The following RABGAP1L variants were observed in gnomAD, a reference collection of about 807,000 sequenced individuals.
The protein encoded by RABGAP1L is rab GTPase-activating protein 1-like.
A neutral mutation model predicts 137.7 loss-of-function variants in RABGAP1L; 63 were observed. That is an observed-to-expected ratio of 0.46 (90% CI 0.37 to 0.56). RABGAP1L has a LOEUF of 0.56. RABGAP1L is among the 20% of genes least tolerant of loss of function. The pLI is 0.00. For missense variants in RABGAP1L, 1,095 were observed against 1,244.0 expected (o/e 0.88, Z 1.80); for synonymous variants, 431 against 433.7 (o/e 0.99, Z 0.08).
At chr1:174,636,023 T>A (rs377466999) in intron 13 of RABGAP1L, among the ~76,000 whole-genome samples, 1 of 152,230 alleles carries the variant, frequency 6.6e-6, no homozygotes, top group East Asian at 1.9e-4. Flanking sequence ...AATTTGCAAT[T>A]AGTAGTCTGA....
At chr1:174,384,567 A>G (rs1292827060) in intron 12 of RABGAP1L, among the ~76,000 whole-genome samples, 1 of 152,080 alleles carries the variant, frequency 6.6e-6, no homozygotes, top group African/African-American at 2.4e-5. Context: ...ATAGATGGCT[A>G]TTTGAAGTGT....
chr1:174,672,114 A>G (rs944348194), intron 14 of RABGAP1L, among the ~76,000 whole-genome samples: 30 of 152,102 alleles, frequency 2.0e-4, no homozygotes, highest in South Asian at 4.1e-4. Flanking sequence ...TCGTTGGCAT[A>G]TAATTGTTCA....
At chr1:174,491,467 C>A (rs1216076225) in intron 13 of RABGAP1L, among the ~76,000 whole-genome samples, 1 of 151,926 alleles carries the variant, frequency 6.6e-6, no homozygotes, top group African/African-American at 2.4e-5. Flanking sequence ...ATCCTCTTTA[C>A]TCTTCCCTTT....
chr1:174,728,223 T>A (rs1377409843), intron 17 of RABGAP1L, among the ~76,000 whole-genome samples: 1 of 152,224 alleles, frequency 6.6e-6, no homozygotes, highest in African/African-American at 2.4e-5. Flanking sequence ...TTGCTTTAAA[T>A]TTTTACAGCA....
At chr1:174,655,079 A>C (rs1226729450) in intron 14 of RABGAP1L, among the ~76,000 whole-genome samples, 2 of 151,698 alleles carry the variant, frequency 1.3e-5, no homozygotes, top group African/African-American at 2.4e-5. Context: ...TTGTTTTCCT[A>C]AACTGTTTGA....
intron 18 of RABGAP1L, among the ~76,000 whole-genome samples, chr1:174,763,837 C>CA (rs570110788): frequency 0.011 from 901 of 81,056 alleles, 27 homozygotes; most frequent in African/African-American, 0.039. Flanking sequence ...GACTCCGTCT[C>CA]AAAAAAAAAA....
intron 18 of RABGAP1L, among the ~76,000 whole-genome samples, chr1:174,753,110 C>G (rs1398328008): frequency 6.6e-6 from 1 of 152,082 alleles, no homozygotes. Context: ...TGACCTTAGG[C>G]AAATTTTTCT....
At chr1:174,566,617 T>C (rs1310934711) in intron 13 of RABGAP1L, among the ~76,000 whole-genome samples, 1 of 152,192 alleles carries the variant, frequency 6.6e-6, no homozygotes, top group African/African-American at 2.4e-5. Context: ...ATTATAGACT[T>C]GTCCTTGAAT....
At chr1:174,411,957 G>C (rs1649985513) in intron 13 of RABGAP1L, among the ~76,000 whole-genome samples, 1 of 152,082 alleles carries the variant, frequency 6.6e-6, no homozygotes, top group Non-Finnish European at 1.5e-5. Context: ...ATATTCTGTG[G>C]TTGATGGGTA....
At chr1:174,672,687 A>G (rs1351948670) in intron 14 of RABGAP1L, among the ~76,000 whole-genome samples, 2 of 152,018 alleles carry the variant, frequency 1.3e-5, no homozygotes, top group East Asian at 1.9e-4. Context: ...AAAATTTTAA[A>G]TTTTATTTAT....
intron 14 of RABGAP1L, among the ~76,000 whole-genome samples, chr1:174,639,690 C>T (rs912651278): frequency 6.6e-6 from 1 of 151,890 alleles, no homozygotes; most frequent in Non-Finnish European, 1.5e-5. Context: ...ACATTTTGCT[C>T]CATTGTAGTA....
At chr1:174,232,776 T>A (rs72711500) in intron 4 of RABGAP1L, among the ~76,000 whole-genome samples, 45,435 of 146,380 alleles carry the variant, frequency 0.31, 7,686 homozygotes, top group Middle Eastern at 0.44. Flanking sequence ...AAAAAAAAAA[T>A]AAGTCAGATA....
chr1:174,759,785 C>A (rs974269908), intron 18 of RABGAP1L, among the ~76,000 whole-genome samples: 3 of 152,024 alleles, frequency 2.0e-5, no homozygotes, highest in African/African-American at 4.8e-5. Flanking sequence ...GTCCCAGACT[C>A]TTTTACAACA....
chr1:174,781,278 G>T (rs1686982040), intron 18 of RABGAP1L, among the ~76,000 whole-genome samples: 2 of 152,190 alleles, frequency 1.3e-5, no homozygotes, highest in East Asian at 3.8e-4. Context: ...GGTGTGAGAT[G>T]ATATCTCATT....
chr1:174,389,705 A>C (rs1474841703), intron 12 of RABGAP1L, among the ~76,000 whole-genome samples: 2 of 152,120 alleles, frequency 1.3e-5, no homozygotes, highest in African/African-American at 4.8e-5. Context: ...ATATTCATTC[A>C]CTTACCAAAA....
chr1:174,471,545 C>A (rs10489261), intron 13 of RABGAP1L, among the ~76,000 whole-genome samples: 1 of 152,100 alleles, frequency 6.6e-6, no homozygotes, highest in Non-Finnish European at 1.5e-5. Flanking sequence ...ATATCCAAAT[C>A]GGAGCTAAAT....
At chr1:174,283,800 C>T (rs1384479469) in intron 10 of RABGAP1L, among the ~76,000 whole-genome samples, 1 of 152,194 alleles carries the variant, frequency 6.6e-6, no homozygotes, top group Non-Finnish European at 1.5e-5. Context: ...AGCCACTGCA[C>T]CTGTCCTTTA....
chr1:174,685,256 CTCTT>C (rs986758647), intron 15 of RABGAP1L, among the ~76,000 whole-genome samples: 11 of 151,822 alleles, frequency 7.2e-5, no homozygotes, highest in Admixed American at 2.0e-4. Context: ...CTTTCTTTCT[CTCTT>C]TCTTTCTTTA....
At chr1:174,631,606 GT>G (rs1192024629) in intron 13 of RABGAP1L, among the ~76,000 whole-genome samples, 4 of 90,658 alleles carry the variant, frequency 4.4e-5, no homozygotes, top group Admixed American at 3.4e-4. Flanking sequence ...ATTTAGGATA[GT>G]TAGCTCCTCT....
Sources: gnomAD v4.1 joint callset for allele counts (sites outside exome capture counted in the v4.1 genomes callset) on GRCh38, gnomAD v4.1.1 for gene constraint, MANE v1.5 for transcripts, NCBI Gene and HGNC (gene_info 2026-07-23, HGNC 2026-07-21) for gene names.